Variants in TSPAN15 observed in about 807,000 individuals in gnomAD.
The protein encoded by TSPAN15 is tetraspanin-15.
In TSPAN15, 20 loss-of-function variants were observed where a neutral mutation model predicts 34.5. The observed-to-expected ratio is 0.58, with a 90% CI of 0.41 to 0.84. The LOEUF (loss-of-function observed/expected upper bound fraction) is 0.84, where lower values mean the gene tolerates loss of function less well. Ranked by LOEUF, TSPAN15 falls within the 40% of genes least tolerant of loss-of-function variation. The probability of loss-of-function intolerance (pLI) is 0.00; values close to 1 mark genes in which losing one functional copy is unlikely to be tolerated. For synonymous variants in TSPAN15, 155 were observed against 153.9 expected, an observed-to-expected ratio of 1.01 and a Z score of -0.05; for missense variants, 313 against 386.1, an observed-to-expected ratio of 0.81 and a Z score of 1.59.
At chr10:69,475,581 T>C (rs1472013881) in intron 1 of TSPAN15, among the ~76,000 whole-genome samples, 1 of 152,160 alleles carries the variant, frequency 6.6e-6, no homozygotes, top group East Asian at 1.9e-4. Flanking sequence ...TTGTTCTGGA[T>C]TAGAAATTCC....
chr10:69,458,867 A>G (rs1300377823), intron 1 of TSPAN15, among the ~76,000 whole-genome samples: 1 of 152,192 alleles, frequency 6.6e-6, no homozygotes, highest in East Asian at 1.9e-4. Context: ...TTTATGTCGT[A>G]GGACTGGACC....
At chr10:69,504,168 G>A (rs1393074093) in intron 5 of TSPAN15, among the ~76,000 whole-genome samples, 1 of 152,134 alleles carries the variant, frequency 6.6e-6, no homozygotes, top group Non-Finnish European at 1.5e-5. Context: ...TTTCTCTGGG[G>A]TCCTGATCTG....
the TSPAN15 span, among the ~76,000 whole-genome samples, chr10:69,545,784 G>A: frequency 8.9e-4 from 136 of 152,012 alleles, no homozygotes; most frequent in Non-Finnish European, 1.5e-3. Context: ...GTGAAACCTC[G>A]TCTCTACTAA....
chr10:69,484,942 C>T (rs1027740444), intron 2 of TSPAN15, among the ~76,000 whole-genome samples, 199 bp from the exon 3 acceptor site: 1 of 152,166 alleles, frequency 6.6e-6, no homozygotes, highest in Non-Finnish European at 1.5e-5. Flanking sequence ...CCCTCCGGCT[C>T]CAGAGACAGG....
chr10:69,451,816 T>C, intron 1 of TSPAN15, 126 bp downstream of exon 1: 4 of 655,338 alleles, frequency 6.1e-6, no homozygotes, highest in Non-Finnish European at 8.9e-6. Context: ...GCGCGCGGAC[T>C]CCTTGTCTTT....
intron 1 of TSPAN15, among the ~76,000 whole-genome samples, chr10:69,468,133 T>C (rs1841428351): frequency 7.1e-6 from 1 of 141,500 alleles, no homozygotes; most frequent in South Asian, 2.4e-4. Flanking sequence ...TCCCCCACGT[T>C]CTCATTAGGA....
At chr10:69,487,125 T>C (rs1329647819) in intron 3 of TSPAN15, among the ~76,000 whole-genome samples, 1 of 151,894 alleles carries the variant, frequency 6.6e-6, no homozygotes, top group Non-Finnish European at 1.5e-5. Flanking sequence ...CCAGGTCCAG[T>C]TTGTGGCCAA....
At chr10:69,474,578 T>C (rs1052689045) in intron 1 of TSPAN15, among the ~76,000 whole-genome samples, 2 of 152,068 alleles carry the variant, frequency 1.3e-5, no homozygotes, top group Admixed American at 1.3e-4. Context: ...GAGGCTTAGC[T>C]GATTGGGTGC....
chr10:69,533,508 C>T, the TSPAN15 span, among the ~76,000 whole-genome samples: 1 of 152,056 alleles, frequency 6.6e-6, no homozygotes, highest in Non-Finnish European at 1.5e-5. Flanking sequence ...ACTTTGGTGG[C>T]TTGCGGGGAA....
downstream of TSPAN15, among the ~76,000 whole-genome samples, chr10:69,511,197 G>A (rs564026350): frequency 1.1e-4 from 16 of 152,250 alleles, no homozygotes; most frequent in African/African-American, 3.9e-4. Context: ...CTGTGAATCT[G>A]TCTGGTCCTG....
chr10:69,489,023 G>T (rs1416256130), intron 3 of TSPAN15, among the ~76,000 whole-genome samples: 1 of 152,142 alleles, frequency 6.6e-6, no homozygotes, highest in Admixed American at 6.5e-5. Flanking sequence ...AATCCTGAGG[G>T]TACTGCAGGA....
At chr10:69,530,779 A>ACTCTCTTTCTCTCTCTCT in the TSPAN15 span, among the ~76,000 whole-genome samples, 1 of 50,034 alleles carries the variant, frequency 2.0e-5, no homozygotes, top group Non-Finnish European at 3.9e-5. Context: ...ACAGAGTGAG[A>ACTCTCTTTCTCTCTCTCT]CTCTCTCTCT....
rs747840865 is a variant in TSPAN15 at position 69,506,931 on chromosome 10, A to C, written c.838A>C (p.Ser280Arg). 2 of 1,609,948 alleles carry C rather than the reference A, an allele frequency of 1.2e-6. No individual in the cohort carries two copies. The highest frequency in any genetic ancestry group is 1.7e-6 in the Non-Finnish European group (2 of 1,178,774). Reference sequence around the variant, plus strand: ...GCTCCTGGGGCCCGGTGCCAAGCCCAGCGTGGAGGCGGCAGGCACGGGATG... The same window carrying C: ...GCTCCTGGGGCCCGGTGCCAAGCCCCGCGTGGAGGCGGCAGGCACGGGATG... The part of the protein sequence containing the change: ...DGLLGPGAKP[S>R]VEAAGTGCCL... Residue 280 changes from serine to arginine, a missense_variant, in exon 8 of 8, where the codon AGC (serine) becomes CGC (arginine). Coordinates refer to ENST00000373290, the MANE Select transcript of TSPAN15 (RefSeq NM_012339.5). This position sits in a 1 kb window ranked among gnomAD's most constrained non-coding sequence, Gnocchi z 4.7.
At chr10:69,489,867 C>T (rs1841932293) in intron 3 of TSPAN15, among the ~76,000 whole-genome samples, 2 of 152,338 alleles carry the variant, frequency 1.3e-5, no homozygotes, top group African/African-American at 4.8e-5. Context: ...TGGAGGAGGA[C>T]CTGAGTGACT....
intron 1 of TSPAN15, among the ~76,000 whole-genome samples, chr10:69,466,840 C>T (rs1841394270): frequency 6.6e-6 from 1 of 152,194 alleles, no homozygotes; most frequent in Non-Finnish European, 1.5e-5. Context: ...GTTTCACCAC[C>T]TCAGGGTCTC....
Position 69,482,974 on chromosome 10 carries a change from T to TG in TSPAN15, c.97-717_97-716insG, listed in dbSNP as rs1589639884. Among the ~76,000 whole-genome samples the TG allele has an allele frequency of 6.6e-5, 10 of 151,520 alleles. 1 individual carries two copies. The highest frequency in any genetic ancestry group is 4.2e-4 in the South Asian group (2 of 4,800). On this transcript the variant is annotated intron_variant, in intron 1 of 7. Transcript: ENST00000373290. ...CAAGGTGGCAGGGTTGATTTTTTTT[T>TG]TTTGTTGTTGTTGTTGTTGTTTTTT...
chr10:69,501,123 T>C lies in TSPAN15; in HGVS notation c.570+2727T>C, dbSNP rs1340277535. On this transcript the variant is annotated intron_variant, in intron 5 of 7. Coordinates refer to ENST00000373290, the MANE Select transcript of TSPAN15 (RefSeq NM_012339.5). ...CTGCCACTGCCTGAGAGGGGAGGAC[T>C]GCAAGGAGGCAGGCTGGGTGACCAG... Among the ~76,000 whole-genome samples the C allele has an allele frequency of 3.9e-5, 6 of 152,176 alleles. No homozygotes were observed. In the East Asian group the frequency reaches 1.2e-3, roughly 29 times the overall value.
chr10:69,474,944 T>TG (rs911179736), intron 1 of TSPAN15, among the ~76,000 whole-genome samples: 4 of 152,038 alleles, frequency 2.6e-5, no homozygotes, highest in Admixed American at 6.5e-5. Flanking sequence ...CAGCGGGGTC[T>TG]GGGGGGGCCT....
chr10:69,512,878 A>G, the TSPAN15 span, among the ~76,000 whole-genome samples: 1 of 152,268 alleles, frequency 6.6e-6, no homozygotes, highest in East Asian at 1.9e-4. Flanking sequence ...GTTGTTACAA[A>G]TAAAGCTGCT....
Sources: gnomAD v4.1 joint callset for allele counts (sites outside exome capture counted in the v4.1 genomes callset) on GRCh38, gnomAD v4.1.1 for gene constraint, Gnocchi (gnomAD v3.1) non-coding constraint, MANE v1.5 for transcripts, NCBI Gene and HGNC (gene_info 2026-07-23, HGNC 2026-07-21) for gene names.